ADK: variants seen among roughly 807,000 people sequenced by gnomAD.
ADK encodes adenosine kinase.
In ADK, 24 loss-of-function variants were observed where a neutral mutation model predicts 44.7. That is an observed-to-expected ratio of 0.54 (90% CI 0.39 to 0.76). The LOEUF (loss-of-function observed/expected upper bound fraction) is 0.76, where lower values mean the gene tolerates loss of function less well. ADK is among the 30% of genes least tolerant of loss of function. The pLI, the probability that ADK is intolerant of heterozygous loss-of-function variation, is 0.00. For synonymous variants in ADK, 128 were observed against 142.6 expected, an observed-to-expected ratio of 0.90 and a Z score of 0.73; for missense variants, 321 against 425.1, an observed-to-expected ratio of 0.76 and a Z score of 2.15.
At chr10:74,181,879 G>C (rs1446012614) in intron 1 of ADK, among the ~76,000 whole-genome samples, 2 of 152,182 alleles carry the variant, frequency 1.3e-5, no homozygotes. Flanking sequence ...ATTTGTTGTA[G>C]AGCTAATGAG....
chr10:74,268,821 C>T (rs1190986036), intron 3 of ADK, among the ~76,000 whole-genome samples: 3 of 152,154 alleles, frequency 2.0e-5, no homozygotes, highest in Non-Finnish European at 4.4e-5. Flanking sequence ...ACTTAATGTG[C>T]AGATTTAGCT....
chr10:74,560,001 A>G (rs1850397923), intron 7 of ADK, among the ~76,000 whole-genome samples: 1 of 152,046 alleles, frequency 6.6e-6, no homozygotes, highest in African/African-American at 2.4e-5. Context: ...ATCACAGCTC[A>G]CTGTAGCCTC....
At position 74,355,060 on chromosome 10, in the gene ADK, C is replaced by G. The variant is rs867257028; in HGVS notation, c.274-39081C>G. ...TCTTCTTTTTAAAGACAGGGTCTTG[C>G]TCTGTCTCCTCCTGTCTTGGTCTCC... On this transcript the variant is annotated intron_variant, in intron 4 of 10. Coordinates refer to ENST00000539909, the MANE Select transcript of ADK (RefSeq NM_006721.4). Among the ~76,000 whole-genome samples the G allele has an allele frequency of 4.3e-4, 65 of 152,236 alleles. No individual in the cohort carries two copies. In the Middle Eastern group the frequency reaches 0.017, roughly 40 times the overall value.
At chr10:74,228,729 A>G (rs1232224208) in intron 3 of ADK, among the ~76,000 whole-genome samples, 1 of 152,204 alleles carries the variant, frequency 6.6e-6, no homozygotes, top group Non-Finnish European at 1.5e-5. Context: ...TTTTATGAAT[A>G]TATAAATTTT....
At chr10:74,267,131 A>G (rs942922938) in intron 3 of ADK, among the ~76,000 whole-genome samples, 2 of 152,220 alleles carry the variant, frequency 1.3e-5, no homozygotes, top group African/African-American at 4.8e-5. Context: ...GGGAGGATGT[A>G]TGCAGGTTAT....
intron 2 of ADK, among the ~76,000 whole-genome samples, chr10:74,210,558 T>C (rs1326137186): frequency 6.6e-6 from 1 of 151,716 alleles, no homozygotes; most frequent in East Asian, 1.9e-4. Context: ...TGGGAGGCTT[T>C]AGCTGTAGTG....
At chr10:74,519,905 C>G (rs2133584578) in intron 6 of ADK, among the ~76,000 whole-genome samples, 1 of 151,786 alleles carries the variant, frequency 6.6e-6, no homozygotes, top group South Asian at 2.1e-4. Flanking sequence ...CCAACTGAAC[C>G]CTTTACTTTT....
At chr10:74,435,857 C>T (rs1845163434) in intron 6 of ADK, among the ~76,000 whole-genome samples, 1 of 152,060 alleles carries the variant, frequency 6.6e-6, no homozygotes, top group South Asian at 2.1e-4. Context: ...CCTAGATAAG[C>T]AAGTCTAAGA....
At chr10:74,664,670 C>A (rs1854882029) in intron 9 of ADK, among the ~76,000 whole-genome samples, 1 of 152,036 alleles carries the variant, frequency 6.6e-6, no homozygotes, top group African/African-American at 2.4e-5. Context: ...TGATGAAACT[C>A]CGTCTCTACT....
intron 6 of ADK, among the ~76,000 whole-genome samples, chr10:74,400,015 C>T (rs1843655081): frequency 6.6e-6 from 1 of 151,786 alleles, no homozygotes; most frequent in Non-Finnish European, 1.5e-5. Context: ...ATTCAACTTG[C>T]AGACAACTCA....
At chr10:74,675,343 A>G (rs1183550724) in intron 10 of ADK, among the ~76,000 whole-genome samples, 1 of 152,236 alleles carries the variant, frequency 6.6e-6, no homozygotes, top group Non-Finnish European at 1.5e-5. Context: ...CCAAATGTAC[A>G]TAAATTAAAT....
At chr10:74,494,102 A>T (rs1174151232) in intron 6 of ADK, among the ~76,000 whole-genome samples, 3 of 152,164 alleles carry the variant, frequency 2.0e-5, no homozygotes, top group Admixed American at 2.0e-4. Flanking sequence ...AAAGTTTTTA[A>T]ATTAGTATTT....
rs542624048 is a variant in ADK at position 74,649,331 on chromosome 10, A to G, written c.878-20852A>G. 2.0e-5 allele frequency among the ~76,000 whole-genome samples: 3 copies of G among 152,366 alleles called. No individual in the cohort carries two copies. The South Asian group carries it at 6.2e-4, about 32-fold the overall frequency. The stretch of plus-strand genomic sequence containing the variant: ...TTAATTGCTAGCTTAGAAGTCTTTT[A>G]AATTCTACTGTCAGCCGGGCACAGT... On this transcript the variant is annotated intron_variant, in intron 9 of 10. Transcript: ENST00000539909.
chr10:74,166,569 G>T (rs886203343), intron 1 of ADK, among the ~76,000 whole-genome samples: 1 of 151,496 alleles, frequency 6.6e-6, no homozygotes, highest in Admixed American at 6.6e-5. Flanking sequence ...TTCTGCCCAC[G>T]TTGGCTACTC....
chr10:74,679,611 C>T (rs141018002), intron 10 of ADK, among the ~76,000 whole-genome samples: 14 of 151,272 alleles, frequency 9.3e-5, no homozygotes, highest in East Asian at 3.9e-4. Context: ...TTACTGATGA[C>T]GTGAATGCCA....
rs1177527870 is a variant in ADK at position 74,598,440 on chromosome 10, CCTTTTTTTTTT to C, written c.763-1938_763-1928del. 6.1e-5 allele frequency among the ~76,000 whole-genome samples: 7 copies of C among 114,066 alleles called. No homozygotes were observed. The East Asian group carries it at 1.8e-3, about 30-fold the overall frequency. The allele number at this position is 114,066 out of a possible 152,430, so 74.8% of individuals were successfully genotyped here. ...TAGAAAGCAACCATGGAATCTTATT[CCTTTTTTTTTT>C]TTTTTTTTTTTTTTTTTGAGATGGC... On this transcript the variant is annotated intron_variant, in intron 8 of 10. Transcript: ENST00000539909.
intron 2 of ADK, among the ~76,000 whole-genome samples, chr10:74,207,965 C>G (rs1049567066): frequency 6.6e-6 from 1 of 152,210 alleles, no homozygotes; most frequent in Non-Finnish European, 1.5e-5. Context: ...CCTTGGCCTC[C>G]TTCCCATGCT....
intron 1 of ADK, among the ~76,000 whole-genome samples, chr10:74,199,285 G>A (rs552716168): frequency 6.4e-4 from 98 of 152,240 alleles, no homozygotes; most frequent in Middle Eastern, 3.4e-3. Flanking sequence ...GATCCCCATC[G>A]TCTAAGTAGT....
At chr10:74,306,335 A>G (rs1184063000) in intron 3 of ADK, among the ~76,000 whole-genome samples, 4 of 151,754 alleles carry the variant, frequency 2.6e-5, no homozygotes, top group African/African-American at 9.7e-5. Flanking sequence ...GAGTCTTTTC[A>G]CTTTTTCTAG....
Sources: allele counts gnomAD v4.1 joint callset (sites outside exome capture counted in the v4.1 genomes callset), GRCh38; gene constraint gnomAD v4.1.1; transcripts MANE v1.5; gene names NCBI Gene and HGNC (gene_info 2026-07-23, HGNC 2026-07-21).